AUTS2: variants seen among roughly 807,000 people sequenced by gnomAD.
The protein encoded by AUTS2 is activator of transcription and developmental regulator AUTS2.
AUTS2 carries 17 observed loss-of-function variants against 112.4 expected under a neutral mutation model. The observed-to-expected ratio is 0.15, with a 90% CI of 0.10 to 0.23. AUTS2 has a LOEUF of 0.23. Among genes scored for constraint, AUTS2 ranks in the 10% least tolerant of loss-of-function variants. The pLI is 1.00. For synonymous variants in AUTS2, 751 were observed against 702.7 expected, an observed-to-expected ratio of 1.07 and a Z score of -1.09; for missense variants, 1,510 against 1,701.6, an observed-to-expected ratio of 0.89 and a Z score of 1.98.
In AUTS2 at chr7:70,762,746, C is replaced by G. The variant is rs1789646984; in HGVS notation, c.743-124C>G. ...CAGGTGGTGGAGACAAGGACCCAAG[C>G]CAGGAGGGTTGGTGCCAGGTCCTGT... On this transcript the variant is annotated intron_variant, in intron 6 of 18. Coordinates refer to ENST00000342771, the MANE Select transcript of AUTS2 (RefSeq NM_015570.4). 1.2e-5 allele frequency: 9 copies of G among 758,436 alleles called. No homozygotes were observed. In the South Asian group the frequency reaches 1.4e-4, roughly 12 times the overall value. The allele number at this position is 758,436 out of a possible 1,614,324, so 47.0% of individuals were successfully genotyped here. A position where few individuals can be genotyped will look rare whatever the true frequency, so the allele number is the denominator to read the frequency against.
chr7:70,231,751 GGTTT>G (rs202089198), intron 4 of AUTS2, among the ~76,000 whole-genome samples: 28 of 25,718 alleles, frequency 1.1e-3, no homozygotes, highest in Admixed American at 6.6e-3. Flanking sequence ...CTAGATATGA[GGTTT>G]TTTTGTTTGT....
At chr7:69,839,962 C>G (rs1791900715) in intron 1 of AUTS2, among the ~76,000 whole-genome samples, 1 of 152,076 alleles carries the variant, frequency 6.6e-6, no homozygotes, top group African/African-American at 2.4e-5. Context: ...AGTGTGGTCC[C>G]TGGACCAACA....
At chr7:70,098,095 A>T (rs915522346) in intron 2 of AUTS2, among the ~76,000 whole-genome samples, 1 of 152,246 alleles carries the variant, frequency 6.6e-6, no homozygotes, top group African/African-American at 2.4e-5. Flanking sequence ...CGTAATGATT[A>T]GCAGGGGCCC....
At chr7:70,250,387 C>A (rs778450886) in intron 4 of AUTS2, among the ~76,000 whole-genome samples, 5 of 152,196 alleles carry the variant, frequency 3.3e-5, no homozygotes, top group Non-Finnish European at 7.3e-5. Context: ...CCTCCAGAGA[C>A]AGATTCACAT....
chr7:70,687,923 C>T (rs1302701416), intron 5 of AUTS2, among the ~76,000 whole-genome samples: 2 of 152,224 alleles, frequency 1.3e-5, no homozygotes, highest in Non-Finnish European at 2.9e-5. Flanking sequence ...GAGTTTTAAT[C>T]TCCTGGGCTG....
At chr7:70,299,431 A>G (rs1036094958) in intron 4 of AUTS2, among the ~76,000 whole-genome samples, 7 of 152,226 alleles carry the variant, frequency 4.6e-5, no homozygotes, top group African/African-American at 1.7e-4. Flanking sequence ...TAGATGCACT[A>G]CTTGGCTGCT....
chr7:69,675,579 T>A (rs754972850), intron 1 of AUTS2, among the ~76,000 whole-genome samples: 5 of 148,264 alleles, frequency 3.4e-5, no homozygotes, highest in Non-Finnish European at 6.0e-5. Flanking sequence ...TGTGGTCTCA[T>A]CTCTGCAACC....
chr7:69,982,325 G>T (rs1798329074), intron 2 of AUTS2, among the ~76,000 whole-genome samples: 1 of 152,186 alleles, frequency 6.6e-6, no homozygotes, highest in Non-Finnish European at 1.5e-5. Context: ...GACTGAAGCA[G>T]TGTTTAACAC....
chr7:70,539,264 G>A (rs1800448561), intron 5 of AUTS2, among the ~76,000 whole-genome samples: 3 of 152,180 alleles, frequency 2.0e-5, no homozygotes, highest in African/African-American at 7.2e-5. Flanking sequence ...AGCAGAAACA[G>A]CCATGTTGTT....
At position 69,894,843 on chromosome 7, in the gene AUTS2, G is replaced by A. The variant is rs117759781; in HGVS notation, c.310-4443G>A. 4.9e-3 allele frequency among the ~76,000 whole-genome samples: 750 copies of A among 152,276 alleles called. 2 individuals carry two copies. The highest frequency in any genetic ancestry group is 7.7e-3 in the Non-Finnish European group (523 of 68,030). ...TTCATTTGCTCATGCTTTCCTTGCA[G>A]AATATGGACTACAATCATCTTATTT... is the stretch of plus-strand genomic sequence containing the variant. On this transcript the variant is annotated intron_variant, in intron 1 of 18. Coordinates refer to ENST00000342771, the MANE Select transcript of AUTS2 (RefSeq NM_015570.4).
At chr7:70,401,887 G>GA (rs1431106553) in intron 4 of AUTS2, among the ~76,000 whole-genome samples, 2 of 152,222 alleles carry the variant, frequency 1.3e-5, no homozygotes, top group Admixed American at 1.3e-4. Context: ...CCACACATTT[G>GA]AAAATTTTCT....
At chr7:70,578,917 T>A (rs1163258656) in intron 5 of AUTS2, among the ~76,000 whole-genome samples, 2 of 123,526 alleles carry the variant, frequency 1.6e-5, no homozygotes, top group African/African-American at 3.3e-5. Context: ...TCTTTCTTTT[T>A]TTTTCTTTCT....
rs1052221636 is a variant in AUTS2 at position 70,167,789 on chromosome 7, C to T, written c.660+33218C>T. ...GAATGTCCTCAAATTTTTGGAAATT[C>T]GATAACATACTTTTAAATAACCCAT... is the stretch of plus-strand genomic sequence containing the variant. On this transcript the variant is annotated intron_variant, in intron 4 of 18. Transcript: ENST00000342771. Among the ~76,000 whole-genome samples, 4 of 152,108 alleles carry T rather than the reference C, an allele frequency of 2.6e-5. No individual in the cohort carries two copies. The East Asian group carries it at 5.8e-4, about 22-fold the overall frequency.
intron 1 of AUTS2, among the ~76,000 whole-genome samples, chr7:69,600,249 C>T (rs1351735004): frequency 2.0e-5 from 3 of 152,062 alleles, no homozygotes; most frequent in Non-Finnish European, 4.4e-5. Context: ...GAAAGGGGTT[C>T]GGGCATCACA....
chr7:70,733,656 G>A (rs565384610), intron 6 of AUTS2, among the ~76,000 whole-genome samples: 20 of 151,810 alleles, frequency 1.3e-4, no homozygotes, highest in South Asian at 6.2e-4. Context: ...GGGTGGTCTC[G>A]GCACACTGCA....
intron 2 of AUTS2, among the ~76,000 whole-genome samples, chr7:69,909,006 A>C (rs993048625): frequency 3.9e-5 from 6 of 151,920 alleles, no homozygotes; most frequent in Non-Finnish European, 7.4e-5. Flanking sequence ...TCCTTCAGTG[A>C]CTCCAGTACA....
At chr7:70,639,899 C>T (rs1805724547) in intron 5 of AUTS2, among the ~76,000 whole-genome samples, 1 of 152,164 alleles carries the variant, frequency 6.6e-6, no homozygotes, top group Non-Finnish European at 1.5e-5. Flanking sequence ...AGGCTGAGTT[C>T]AGCACTGCTT....
chr7:69,996,670 T>G (rs984780011), intron 2 of AUTS2, among the ~76,000 whole-genome samples: 4 of 152,174 alleles, frequency 2.6e-5, no homozygotes, highest in African/African-American at 9.7e-5. Context: ...TATACTACAC[T>G]TATTCAGGAT....
intron 5 of AUTS2, among the ~76,000 whole-genome samples, chr7:70,581,357 G>T (rs547678408): frequency 6.6e-6 from 1 of 152,150 alleles, no homozygotes; most frequent in Non-Finnish European, 1.5e-5. Context: ...TTGCATTCCA[G>T]CCTGGGCAAG....
Sources: allele counts gnomAD v4.1 joint callset (sites outside exome capture counted in the v4.1 genomes callset), GRCh38; gene constraint gnomAD v4.1.1; transcripts MANE v1.5; gene names NCBI Gene and HGNC (gene_info 2026-07-23, HGNC 2026-07-21).